Variants in KIAA1328 observed in about 807,000 individuals in gnomAD.
The protein encoded by KIAA1328 is protein hinderin.
KIAA1328 carries 52 observed loss-of-function variants against 68.1 expected under a neutral mutation model. That is an observed-to-expected ratio of 0.76 (90% confidence interval 0.61 to 0.96). The LOEUF (loss-of-function observed/expected upper bound fraction) is 0.96, where lower values mean the gene tolerates loss of function less well. Among genes scored for constraint, KIAA1328 ranks in the 40% least tolerant of loss-of-function variants. The probability of loss-of-function intolerance (pLI) is 0.00; values close to 1 mark genes in which losing one functional copy is unlikely to be tolerated. For synonymous variants in KIAA1328, 232 were observed against 239.4 expected (o/e 0.97, Z 0.28); for missense variants, 641 against 677.6 (o/e 0.95, Z 0.60).
At chr18:37,161,770 C>T (rs765845094) in intron 8 of KIAA1328, among the ~76,000 whole-genome samples, 7 of 152,100 alleles carry the variant, frequency 4.6e-5, no homozygotes, top group Non-Finnish European at 7.4e-5. Flanking sequence ...ATTTGTGTTG[C>T]GTGGCAGCAC....
chr18:36,939,251 T>C (rs1019799973), intron 5 of KIAA1328, among the ~76,000 whole-genome samples: 2 of 152,234 alleles, frequency 1.3e-5, no homozygotes, highest in Admixed American at 6.5e-5. Context: ...CTTATTTGTG[T>C]CATCGGCAAT....
intron 6 of KIAA1328, among the ~76,000 whole-genome samples, chr18:37,014,984 C>T (rs907821144): frequency 6.6e-6 from 1 of 152,268 alleles, no homozygotes; most frequent in South Asian, 2.1e-4. Flanking sequence ...CTCACTGCAA[C>T]TTCTGCCTCC....
chr18:37,135,133 G>A (rs775360486), intron 7 of KIAA1328, among the ~76,000 whole-genome samples: 19 of 152,054 alleles, frequency 1.2e-4, no homozygotes, highest in East Asian at 3.9e-4. Flanking sequence ...CCATGCCTTC[G>A]CTATTGTGAA....
intron 9 of KIAA1328, among the ~76,000 whole-genome samples, chr18:37,191,924 C>CCAGAGGGCAGAGTGGTATAAT (rs2059911702): frequency 6.6e-6 from 1 of 152,148 alleles, no homozygotes; most frequent in Non-Finnish European, 1.5e-5. Context: ...TTCCTTGTGA[C>CCAGAGGGCAGAGTGGTATAAT]CAGAGGGCAG....
intron 7 of KIAA1328, among the ~76,000 whole-genome samples, chr18:37,074,428 A>G (rs1178548816): frequency 6.6e-6 from 1 of 152,200 alleles, no homozygotes; most frequent in Non-Finnish European, 1.5e-5. Flanking sequence ...TTTCAGGTAC[A>G]CCAATCAGAC....
At chr18:36,885,772 C>T (rs1307551852) in intron 5 of KIAA1328, 100 bp downstream of exon 5, 2 of 712,586 alleles carry the variant, frequency 2.8e-6, no homozygotes, top group East Asian at 6.1e-5. Flanking sequence ...GGCTGCAGTG[C>T]AATGGTGCGA....
chr18:36,980,959 G>A (rs1222648434), intron 6 of KIAA1328, among the ~76,000 whole-genome samples: 3 of 152,132 alleles, frequency 2.0e-5, no homozygotes, highest in Non-Finnish European at 4.4e-5. Context: ...TCTTACTTTT[G>A]TGAATTGCCC....
intron 6 of KIAA1328, among the ~76,000 whole-genome samples, chr18:37,006,917 T>C (rs8092180): frequency 0.16 from 24,547 of 152,100 alleles, 2,175 homozygotes; most frequent in African/African-American, 0.22. Context: ...TTGTTATGAC[T>C]CACAATAAAA....
chr18:37,117,015 G>T (rs1310038093), intron 7 of KIAA1328, among the ~76,000 whole-genome samples: 1 of 152,172 alleles, frequency 6.6e-6, no homozygotes, highest in Non-Finnish European at 1.5e-5. Context: ...GAAACAACAG[G>T]TGCTGGAGAG....
intron 6 of KIAA1328, among the ~76,000 whole-genome samples, chr18:37,035,056 TCC>T (rs2054973917): frequency 6.6e-6 from 1 of 152,224 alleles, no homozygotes; most frequent in Non-Finnish European, 1.5e-5. Context: ...AATTATTTGT[TCC>T]AGTATTCTCA....
intron 3 of KIAA1328, among the ~76,000 whole-genome samples, chr18:36,840,877 A>G (rs976901474): frequency 3.9e-5 from 6 of 152,184 alleles, no homozygotes; most frequent in Non-Finnish European, 7.3e-5. Context: ...GCGAGATGGA[A>G]TTAGAAATGG....
chr18:37,193,971 C>T (rs1162354452), intron 9 of KIAA1328, among the ~76,000 whole-genome samples: 1 of 152,148 alleles, frequency 6.6e-6, no homozygotes, highest in East Asian at 1.9e-4. Flanking sequence ...AGTTGCCGCA[C>T]AGTGTTCCAT....
chr18:37,017,041 C>T (rs2054176672), intron 6 of KIAA1328, among the ~76,000 whole-genome samples: 1 of 152,058 alleles, frequency 6.6e-6, no homozygotes, highest in African/African-American at 2.4e-5. Context: ...TTCTCTAGTT[C>T]CTCTAGGTGT....
chr18:36,829,496 T>TC, intron 1 of KIAA1328: 1 of 1,170,114 alleles, frequency 8.5e-7, no homozygotes, highest in Non-Finnish European at 1.1e-6. Flanking sequence ...GAGATGGCCC[T>TC]CCGAGGTCCC....
At chr18:37,102,025 T>C (rs1213599959) in intron 7 of KIAA1328, among the ~76,000 whole-genome samples, 1 of 152,294 alleles carries the variant, frequency 6.6e-6, no homozygotes, top group Non-Finnish European at 1.5e-5. Context: ...GTATTACTGA[T>C]ACCAAAACCA....
chr18:37,006,260 T>C (rs933561949), intron 6 of KIAA1328, among the ~76,000 whole-genome samples: 1 of 152,072 alleles, frequency 6.6e-6, no homozygotes, highest in Non-Finnish European at 1.5e-5. Context: ...TGTAAACATA[T>C]GGGTTTTTTT....
intron 4 of KIAA1328, among the ~76,000 whole-genome samples, chr18:36,878,745 A>C (rs1193363687): frequency 6.6e-6 from 1 of 151,794 alleles, no homozygotes; most frequent in Non-Finnish European, 1.5e-5. Flanking sequence ...TCTTGTCTTC[A>C]TGCTTTATTT....
intron 9 of KIAA1328, among the ~76,000 whole-genome samples, chr18:37,201,057 C>CT (rs934973914): frequency 6.6e-6 from 1 of 152,178 alleles, no homozygotes; most frequent in Non-Finnish European, 1.5e-5. Context: ...TTTTTAGGAG[C>CT]ACCCAAAATC....
At chr18:37,068,246 A>G (rs1315954961) in intron 7 of KIAA1328, among the ~76,000 whole-genome samples, 1 of 152,294 alleles carries the variant, frequency 6.6e-6, no homozygotes, top group East Asian at 1.9e-4. Flanking sequence ...ATTAGCTGTC[A>G]TCATTCCGAA....
Sources: allele counts gnomAD v4.1 joint callset (sites outside exome capture counted in the v4.1 genomes callset), GRCh38; gene constraint gnomAD v4.1.1; transcripts MANE v1.5; gene names NCBI Gene and HGNC (gene_info 2026-07-23, HGNC 2026-07-21).